Variants in ATP8A2 observed in about 807,000 individuals in gnomAD.
ATP8A2 encodes the protein phospholipid-transporting ATPase IB.
Under a neutral mutation model 165.6 loss-of-function variants are expected in ATP8A2, and 100 were observed. The observed-to-expected ratio is 0.60, with a 90% CI of 0.51 to 0.71. The LOEUF (loss-of-function observed/expected upper bound fraction) is 0.71, where lower values mean the gene tolerates loss of function less well. ATP8A2 is among the 30% of genes least tolerant of loss of function. The probability of loss-of-function intolerance (pLI) is 0.00; values close to 1 mark genes in which losing one functional copy is unlikely to be tolerated. For missense variants in ATP8A2, 1,227 were observed against 1,479.5 expected (o/e 0.83, Z 2.80); for synonymous variants, 543 against 548.8 (o/e 0.99, Z 0.15).
intron 33 of ATP8A2, among the ~76,000 whole-genome samples, chr13:25,883,317 G>A (rs1275607989): frequency 6.6e-6 from 1 of 152,172 alleles, no homozygotes; most frequent in East Asian, 1.9e-4. Flanking sequence ...TACTCAGGAG[G>A]CTGAGGCAGG....
chr13:25,601,636 C>T (rs960245221), intron 24 of ATP8A2, among the ~76,000 whole-genome samples: 1 of 152,068 alleles, frequency 6.6e-6, no homozygotes, highest in South Asian at 2.1e-4. Context: ...CCACCAGGCC[C>T]GGCTAATTTT....
At chr13:25,928,210 A>T (rs895364606) in intron 33 of ATP8A2, among the ~76,000 whole-genome samples, 1 of 152,230 alleles carries the variant, frequency 6.6e-6, no homozygotes, top group Admixed American at 6.5e-5. Flanking sequence ...GGCCTGTGTT[A>T]GGGAAGAGGA....
intron 1 of ATP8A2, among the ~76,000 whole-genome samples, chr13:25,451,326 T>C (rs995892171): frequency 1.3e-5 from 2 of 151,302 alleles, no homozygotes; most frequent in Non-Finnish European, 2.9e-5. Context: ...CCCCTCTCAC[T>C]GTGCTTTGGC....
At chr13:25,932,685 T>A (rs1305371597) in intron 33 of ATP8A2, among the ~76,000 whole-genome samples, 1 of 152,186 alleles carries the variant, frequency 6.6e-6, no homozygotes, top group African/African-American at 2.4e-5. Context: ...TTAGGTATGC[T>A]TATGGGATTT....
chr13:25,559,514 A>T (rs1367215187), intron 14 of ATP8A2, among the ~76,000 whole-genome samples: 2 of 152,226 alleles, frequency 1.3e-5, no homozygotes, highest in Non-Finnish European at 2.9e-5. Context: ...CCTGGGTGAC[A>T]GAGTGAGACT....
intron 27 of ATP8A2, among the ~76,000 whole-genome samples, chr13:25,813,954 C>T (rs1950943804): frequency 6.6e-6 from 1 of 152,128 alleles, no homozygotes; most frequent in African/African-American, 2.4e-5. Context: ...CCTTTTTTCC[C>T]TGCCTTCAGA....
intron 33 of ATP8A2, among the ~76,000 whole-genome samples, chr13:25,919,850 C>T (rs942347232): frequency 5.9e-5 from 9 of 152,140 alleles, no homozygotes; most frequent in African/African-American, 1.2e-4. Context: ...ACTATAACCT[C>T]GATCATAGCT....
At chr13:25,737,652 C>G (rs1003520825) in intron 25 of ATP8A2, among the ~76,000 whole-genome samples, 1 of 152,078 alleles carries the variant, frequency 6.6e-6, no homozygotes, top group Non-Finnish European at 1.5e-5. Context: ...GCAAATGCCA[C>G]CACGCCTGGC....
At chr13:25,539,886 C>T (rs950638985) in intron 7 of ATP8A2, among the ~76,000 whole-genome samples, 6 of 152,218 alleles carry the variant, frequency 3.9e-5, no homozygotes, top group Non-Finnish European at 1.5e-5. Context: ...CTCGATCCTT[C>T]AACTCCTCTG....
intron 1 of ATP8A2, among the ~76,000 whole-genome samples, chr13:25,376,777 ATC>A (rs1245454783): frequency 6.6e-6 from 1 of 152,230 alleles, no homozygotes; most frequent in Non-Finnish European, 1.5e-5. Context: ...TCCTTTCTAA[ATC>A]TAATGATGGA....
Position 25,597,065 on chromosome 13 carries a change from G to A in ATP8A2, c.2211+7366G>A, listed in dbSNP as rs140355786. On this transcript the variant is annotated intron_variant, in intron 24 of 36. Transcript: ENST00000381655. ...CATTTAAAAATCTTCCTTTGTTGAA[G>A]TCTCTGTCAAACTTTTGCCCATTTA... 5.0e-3 allele frequency among the ~76,000 whole-genome samples: 758 copies of A among 152,056 alleles called. 6 individuals carry two copies. Among genetic ancestry groups the A allele is most frequent in the African/African-American group, 0.017 (724 of 41,484 alleles).
rs983085021 is a variant in ATP8A2, at chr13:25,532,399, G to A, written c.466+82G>A. On this transcript the variant is annotated intron_variant, in intron 5 of 36. Coordinates refer to ENST00000381655, the MANE Select transcript of ATP8A2 (RefSeq NM_016529.6). ...ATTTAAGGAATTTTAAATAAGTAGTGAATGGTATTGAGATAAATTGGGAAG... is the reference window on the plus strand; with the variant it reads ...ATTTAAGGAATTTTAAATAAGTAGTAAATGGTATTGAGATAAATTGGGAAG... The A allele has an allele frequency of 1.3e-4, 119 of 888,452 alleles. 1 individual carries two copies. Among genetic ancestry groups the A allele is most frequent in the Non-Finnish European group, 2.1e-4 (117 of 555,076 alleles). 55.0% of individuals were successfully genotyped at this position (888,452 alleles called of 1,614,324 possible). A position where few individuals can be genotyped will look rare whatever the true frequency, so the allele number is the denominator to read the frequency against.
At chr13:25,731,459 A>G (rs2043642818) in intron 25 of ATP8A2, among the ~76,000 whole-genome samples, 1 of 152,182 alleles carries the variant, frequency 6.6e-6, no homozygotes, top group Non-Finnish European at 1.5e-5. Context: ...CAATTAAAAT[A>G]TTGACCAATT....
In ATP8A2 at chr13:25,528,809, A is replaced by AT. The variant is rs1225586686; in HGVS notation, c.222-1190_222-1189insT. Among the ~76,000 whole-genome samples, 17 of 70,488 alleles carry AT rather than the reference A, an allele frequency of 2.4e-4. 1 individual carries two copies. The highest frequency in any genetic ancestry group is 5.3e-4 in the Non-Finnish European group (14 of 26,620). 46.2% of individuals were successfully genotyped at this position (70,488 alleles called of 152,430 possible). A position where few individuals can be genotyped will look rare whatever the true frequency, so the allele number is the denominator to read the frequency against. ...GCAACATGTGTATGCACACATATGC[A>AT]ACATGTGTATGCACACATATGCAAC... On this transcript the variant is annotated intron_variant, in intron 2 of 36. Coordinates refer to ENST00000381655, the MANE Select transcript of ATP8A2 (RefSeq NM_016529.6).
At chr13:25,574,175 C>T (rs2039550054) in intron 18 of ATP8A2, among the ~76,000 whole-genome samples, 1 of 152,166 alleles carries the variant, frequency 6.6e-6, no homozygotes, top group Admixed American at 6.5e-5. Flanking sequence ...TATTGACATT[C>T]TAACTTGAAA....
chr13:25,419,750 A>G (rs1007349633), intron 1 of ATP8A2, among the ~76,000 whole-genome samples: 1 of 152,220 alleles, frequency 6.6e-6, no homozygotes, highest in Non-Finnish European at 1.5e-5. Context: ...TTGGAAATAT[A>G]AGATTAACGA....
intron 36 of ATP8A2, among the ~76,000 whole-genome samples, chr13:26,014,842 G>T (rs1194106206): frequency 6.6e-6 from 1 of 152,108 alleles, no homozygotes; most frequent in African/African-American, 2.4e-5. Flanking sequence ...GGAGAAAAAA[G>T]AATTTTAATG....
chr13:25,442,936 C>G (rs1318796999), intron 1 of ATP8A2, among the ~76,000 whole-genome samples: 1 of 152,142 alleles, frequency 6.6e-6, no homozygotes, highest in Non-Finnish European at 1.5e-5. Context: ...TCTGTATAGT[C>G]TAGATACTAA....
chr13:25,965,442 G>A (rs1955755624), intron 34 of ATP8A2, among the ~76,000 whole-genome samples: 1 of 152,124 alleles, frequency 6.6e-6, no homozygotes, highest in African/African-American at 2.4e-5. Flanking sequence ...AAATGCCTAC[G>A]CTATTATCCT....
Sources: gnomAD v4.1 joint callset for allele counts (sites outside exome capture counted in the v4.1 genomes callset) on GRCh38, gnomAD v4.1.1 for gene constraint, MANE v1.5 for transcripts, NCBI Gene and HGNC (gene_info 2026-07-23, HGNC 2026-07-21) for gene names.